VAV3: variants seen among roughly 807,000 people sequenced by gnomAD.
VAV3 encodes the protein guanine nucleotide exchange factor VAV3.
In VAV3, 94 loss-of-function variants were observed where a neutral mutation model predicts 131.2. The ratio of observed to expected loss-of-function variants is 0.72; its 90% CI spans 0.61 to 0.85. VAV3 has a LOEUF of 0.85. VAV3 is among the 40% of genes least tolerant of loss of function. The pLI is 0.00. For synonymous variants in VAV3, 349 were observed against 342.0 expected, an observed-to-expected ratio of 1.02 and a Z score of -0.22; for missense variants, 939 against 1,002.7, an observed-to-expected ratio of 0.94 and a Z score of 0.86.
At chr1:107,794,398 T>C (rs1214284378) in intron 2 of VAV3, among the ~76,000 whole-genome samples, 1 of 152,256 alleles carries the variant, frequency 6.6e-6, no homozygotes, top group Non-Finnish European at 1.5e-5. Flanking sequence ...CTGAGGACTA[T>C]GTCTGATTAT....
intron 1 of VAV3, among the ~76,000 whole-genome samples, chr1:107,911,945 T>C (rs1041726610): frequency 3.3e-5 from 5 of 152,080 alleles, no homozygotes; most frequent in East Asian, 3.8e-4. Context: ...GTAGTGAATA[T>C]AGATAAAGGT....
intron 1 of VAV3, among the ~76,000 whole-genome samples, chr1:107,924,758 A>T (rs1222339651): frequency 1.3e-5 from 2 of 152,194 alleles, no homozygotes; most frequent in Non-Finnish European, 2.9e-5. Flanking sequence ...TTGGGGGAAA[A>T]AAAACTGTGA....
chr1:107,847,808 CAG>C, intron 2 of VAV3, among the ~76,000 whole-genome samples: 1 of 152,200 alleles, frequency 6.6e-6, no homozygotes, highest in Non-Finnish European at 1.5e-5. Flanking sequence ...AGCCCAGGAC[CAG>C]AGAGATTCAC....
chr1:107,907,368 G>GT (rs1358094056), intron 1 of VAV3, among the ~76,000 whole-genome samples: 1 of 152,108 alleles, frequency 6.6e-6, no homozygotes, highest in Admixed American at 6.5e-5. Context: ...TGACAATATC[G>GT]TAAGTGATAA....
rs1453700956 is a variant in VAV3, at chr1:107,945,378, T to C, written c.204+19288A>G. 2.0e-5 allele frequency among the ~76,000 whole-genome samples: 3 copies of C among 152,346 alleles called. 1 individual carries two copies. The East Asian group carries it at 5.8e-4, about 29-fold the overall frequency. ...ATATCTAAAATTATTTCCCTCTTGT[T>C]TACTGCTACTAATAACAGTTATTAT... On this transcript the variant is annotated intron_variant, in intron 1 of 26. Transcript: ENST00000370056.
chr1:107,668,744 A>C, intron 19 of VAV3: 3 of 984,134 alleles, frequency 3.0e-6, no homozygotes, highest in Non-Finnish European at 1.2e-6. Context: ...ATTTACCATT[A>C]AATGAATGTA....
chr1:107,576,593 G>T, intron 25 of VAV3: 1 of 854,718 alleles, frequency 1.2e-6, no homozygotes, highest in Non-Finnish European at 1.7e-6. Context: ...TGAAGAACAA[G>T]CCAAACTTTT....
chr1:107,620,440 C>T (rs369393801), intron 20 of VAV3, among the ~76,000 whole-genome samples: 24 of 152,184 alleles, frequency 1.6e-4, no homozygotes, highest in Admixed American at 8.5e-4. Flanking sequence ...CAGTAACATG[C>T]GATACAGGTT....
rs1204749985 is a variant in VAV3, at chr1:107,572,284, T to C, written c.*1047A>G. The stretch of plus-strand genomic sequence containing the variant: ...ACTGACCCTCTTTCTGTCCCAGAAA[T>C]GAATAAAGGACCCAGTTGTGCTTTC... On this transcript the variant is annotated 3_prime_UTR_variant, in exon 27 of 27. Coordinates refer to ENST00000370056, the MANE Select transcript of VAV3 (RefSeq NM_006113.5). The C allele has an allele frequency of 6.6e-6, 1 of 152,112 alleles. No homozygotes were observed. Among genetic ancestry groups the C allele is most frequent in the East Asian group, 1.9e-4 (1 of 5,184 alleles). The allele number at this position is 152,112 out of a possible 1,614,324, so 9.4% of individuals were successfully genotyped here.
chr1:107,687,564 G>C (rs959241996), intron 18 of VAV3, among the ~76,000 whole-genome samples: 1 of 152,068 alleles, frequency 6.6e-6, no homozygotes, highest in Non-Finnish European at 1.5e-5. Context: ...CCATTTGTGG[G>C]GAGGGGCAGT....
intron 19 of VAV3, among the ~76,000 whole-genome samples, chr1:107,669,993 G>A (rs925267245): frequency 6.6e-6 from 1 of 152,118 alleles, no homozygotes; most frequent in South Asian, 2.1e-4. Flanking sequence ...ACATGATTTT[G>A]TATGCCATGG....
At chr1:107,621,916 C>T (rs1653636828) in intron 20 of VAV3, among the ~76,000 whole-genome samples, 1 of 152,062 alleles carries the variant, frequency 6.6e-6, no homozygotes. Flanking sequence ...GTAAATCTAA[C>T]AGTACAGGTT....
intron 1 of VAV3, among the ~76,000 whole-genome samples, chr1:107,941,814 T>G (rs749160594): frequency 8.5e-5 from 13 of 152,198 alleles, no homozygotes; most frequent in Non-Finnish European, 1.9e-4. Flanking sequence ...CCTCAATGTT[T>G]TATCATAAAA....
At chr1:107,861,050 T>C (rs2100984162) in intron 2 of VAV3, among the ~76,000 whole-genome samples, 1 of 151,814 alleles carries the variant, frequency 6.6e-6, no homozygotes, top group East Asian at 1.9e-4. Flanking sequence ...TAATTCATTA[T>C]CCATAACTGG....
chr1:107,888,894 T>C (rs1010754182), intron 1 of VAV3, among the ~76,000 whole-genome samples: 1 of 152,174 alleles, frequency 6.6e-6, no homozygotes, highest in Non-Finnish European at 1.5e-5. Flanking sequence ...TCCTCTGAAT[T>C]TAGCATCATC....
chr1:107,795,723 G>A (rs10494077), intron 2 of VAV3, among the ~76,000 whole-genome samples: 33,846 of 152,170 alleles, frequency 0.22, 3,804 homozygotes, highest in East Asian at 0.3. Context: ...AAGTCGTTAG[G>A]GCTTTAATAG....
chr1:107,917,025 G>A (rs1439013417), intron 1 of VAV3, among the ~76,000 whole-genome samples: 3 of 152,120 alleles, frequency 2.0e-5, no homozygotes, highest in African/African-American at 7.2e-5. Flanking sequence ...TGTTGGTGAC[G>A]ATCAGATTGT....
At chr1:107,928,496 T>C (rs1386959988) in intron 1 of VAV3, among the ~76,000 whole-genome samples, 1 of 152,192 alleles carries the variant, frequency 6.6e-6, no homozygotes, top group African/African-American at 2.4e-5. Context: ...TTGAGGAAAT[T>C]CAAAGAAATT....
intron 2 of VAV3, among the ~76,000 whole-genome samples, chr1:107,872,606 C>A (rs542780277): frequency 6.6e-6 from 1 of 152,260 alleles, no homozygotes; most frequent in South Asian, 2.1e-4. Context: ...CCATTACCCA[C>A]AAGCTAGGAC....
Sources: gnomAD v4.1 joint callset for allele counts (sites outside exome capture counted in the v4.1 genomes callset) on GRCh38, gnomAD v4.1.1 for gene constraint, MANE v1.5 for transcripts, NCBI Gene and HGNC (gene_info 2026-07-23, HGNC 2026-07-21) for gene names.